Variants in PRH1 observed in about 807,000 individuals in gnomAD.
PRH1 encodes salivary acidic proline-rich phosphoprotein 1/2.
In PRH1, 7 loss-of-function variants were observed where a neutral mutation model predicts 7.9. The ratio of observed to expected loss-of-function variants is 0.89; its 90% CI spans 0.50 to 1.67. The LOEUF (loss-of-function observed/expected upper bound fraction) is 1.67. Ranked by LOEUF, PRH1 falls within the 40% of genes most tolerant of loss-of-function variation. PRH1 has a pLI of 0.00. For missense variants in PRH1, 109 were observed against 223.6 expected (o/e 0.49, Z 3.27); for synonymous variants, 45 against 80.8 (o/e 0.56, Z 2.38).
chr12:11,160,495 G>C (rs908382592), intron 1 of PRH1, among the ~76,000 whole-genome samples: 3 of 152,102 alleles, frequency 2.0e-5, no homozygotes, highest in African/African-American at 7.2e-5. Flanking sequence ...TTTTGAGACA[G>C]AGTGAGACTC....
At chr12:11,086,121 C>T (rs1412323400) in intron 1 of PRH1, among the ~76,000 whole-genome samples, 1 of 43,818 alleles carries the variant, frequency 2.3e-5, no homozygotes, top group African/African-American at 5.4e-5. Context: ...CCCACACACA[C>T]ACCCCTCATG....
At chr12:11,079,657 A>T (rs117562327) in intron 1 of PRH1, among the ~76,000 whole-genome samples, 3,183 of 56,324 alleles carry the variant, frequency 0.057, 72 homozygotes, top group Non-Finnish European at 0.084. Context: ...TCAGGAATTC[A>T]GGATTCAAGG....
At chr12:10,978,468 A>T (rs1391535387) in intron 1 of PRH1, among the ~76,000 whole-genome samples, 1 of 152,182 alleles carries the variant, frequency 6.6e-6, no homozygotes, top group African/African-American at 2.4e-5. Context: ...AAGAAAAATA[A>T]CACCTGAAAA....
intron 1 of PRH1, among the ~76,000 whole-genome samples, chr12:11,107,811 A>C (rs2597959): frequency 0.46 from 69,186 of 152,044 alleles, 16,555 homozygotes; most frequent in Non-Finnish European, 0.53. Context: ...TTTTTCTCAA[A>C]AAACAATGCT....
At chr12:11,100,157 C>T (rs1320266137) in intron 1 of PRH1, among the ~76,000 whole-genome samples, 3 of 152,028 alleles carry the variant, frequency 2.0e-5, no homozygotes, top group African/African-American at 7.3e-5. Context: ...ATAATGCACA[C>T]TTAGAAATGA....
intron 2 of PRH1, among the ~76,000 whole-genome samples, chr12:10,934,521 G>C (rs558325997): frequency 1.3e-5 from 2 of 152,012 alleles, no homozygotes; most frequent in Non-Finnish European, 2.9e-5. Context: ...TGCAAAGAGA[G>C]AGCTCCAATG....
At chr12:10,912,386 A>G (rs954562482) in intron 2 of PRH1, among the ~76,000 whole-genome samples, 11 of 152,020 alleles carry the variant, frequency 7.2e-5, no homozygotes, top group Non-Finnish European at 1.6e-4. Context: ...TTATGTTTTC[A>G]TGTAATTTTG....
At chr12:11,039,939 CT>C (rs1942636669) in intron 1 of PRH1, among the ~76,000 whole-genome samples, 1 of 139,228 alleles carries the variant, frequency 7.2e-6, no homozygotes, top group Admixed American at 7.5e-5. Context: ...AATAGCCCTG[CT>C]TTTCCACTTG....
chr12:10,998,879 C>A (rs1940436482), intron 1 of PRH1, among the ~76,000 whole-genome samples: 1 of 152,054 alleles, frequency 6.6e-6, no homozygotes, highest in Non-Finnish European at 1.5e-5. Context: ...CACTTTACAT[C>A]GAAATTTGAG....
At chr12:11,006,298 G>T (rs1940827905) in intron 1 of PRH1, 1 of 151,030 alleles carries the variant, frequency 6.6e-6, no homozygotes, top group Non-Finnish European at 1.5e-5. Flanking sequence ...AAGATGGTTA[G>T]TTACTGATTT....
intron 1 of PRH1, 129 bp downstream of exon 1, chr12:10,884,025 C>T: frequency 9.3e-7 from 1 of 1,077,516 alleles, no homozygotes; most frequent in Non-Finnish European, 1.4e-6. Flanking sequence ...ATCTTCTGAT[C>T]CTCAGCATGA....
intron 2 of PRH1, chr12:10,909,061 T>A (rs1403926872): frequency 1.1e-5 from 17 of 1,613,518 alleles, no homozygotes; most frequent in Non-Finnish European, 1.4e-5. Flanking sequence ...CTTAATCCTG[T>A]TCCAGACACA....
chr12:10,919,039 C>T (rs968446021), intron 2 of PRH1, among the ~76,000 whole-genome samples: 2 of 152,048 alleles, frequency 1.3e-5, no homozygotes, highest in Admixed American at 6.6e-5. Context: ...AACATGTCTT[C>T]CCAACTTTCA....
At chr12:11,068,490 T>C (rs1027567016) in intron 1 of PRH1, among the ~76,000 whole-genome samples, 1 of 152,224 alleles carries the variant, frequency 6.6e-6, no homozygotes, top group Non-Finnish European at 1.5e-5. Context: ...TATTCCATTG[T>C]ATAAGTATGC....
chr12:11,090,410 A>G (rs1310965023), intron 1 of PRH1, among the ~76,000 whole-genome samples: 18 of 104,140 alleles, frequency 1.7e-4, no homozygotes, highest in East Asian at 4.8e-4. Flanking sequence ...CAGGGGCTTA[A>G]AAGTGCTTTA....
rs546227502 is a variant in PRH1 at position 11,103,020 on chromosome 12, A to G, written n.124-55832T>C. On this transcript the variant is annotated intron_variant and non_coding_transcript_variant, in intron 1 of 4. Coordinates refer to the PRH1 transcript ENST00000541977. Reference sequence around the variant, plus strand: ...CTATCTCACACCAGTTAGAATGGCAATCATTAAAAAGTCAGGAAACAACAG... The same window carrying G: ...CTATCTCACACCAGTTAGAATGGCAGTCATTAAAAAGTCAGGAAACAACAG... Among the ~76,000 whole-genome samples, 45 of 152,326 alleles carry G rather than the reference A, an allele frequency of 3.0e-4. No individual in the cohort carries two copies. In the South Asian group the frequency reaches 7.3e-3, roughly 25 times the overall value.
chr12:11,168,670 C>T (rs1947713741), intron 1 of PRH1, among the ~76,000 whole-genome samples: 1 of 152,148 alleles, frequency 6.6e-6, no homozygotes, highest in Non-Finnish European at 1.5e-5. Flanking sequence ...CTCCTACTAT[C>T]TGGAAAAGCA....
intron 1 of PRH1, among the ~76,000 whole-genome samples, chr12:11,085,874 T>G (rs993324170): frequency 8.4e-6 from 1 of 119,276 alleles, no homozygotes; most frequent in Non-Finnish European, 2.0e-5. Context: ...AGATCATACA[T>G]TGGATGCCTG....
intron 1 of PRH1, among the ~76,000 whole-genome samples, chr12:10,979,316 T>C (rs528882489): frequency 2.7e-5 from 4 of 149,806 alleles, no homozygotes; most frequent in African/African-American, 9.7e-5. Context: ...TAAGGCAGGA[T>C]TGATTTAGTG....
Sources: allele counts gnomAD v4.1 joint callset (sites outside exome capture counted in the v4.1 genomes callset), GRCh38; gene constraint gnomAD v4.1.1; transcripts MANE v1.5; gene names NCBI Gene and HGNC (gene_info 2026-07-23, HGNC 2026-07-21).